Variants in NCOR2 observed in about 807,000 individuals in gnomAD.
The protein encoded by NCOR2 is CTG repeat protein 26.
A neutral mutation model predicts 262.9 loss-of-function variants in NCOR2; 81 were observed. The ratio of observed to expected loss-of-function variants is 0.31; its 90% CI spans 0.26 to 0.37. The LOEUF is 0.37. Ranked by LOEUF, NCOR2 falls within the 10% of genes least tolerant of loss-of-function variation. The pLI is 1.00. For synonymous variants in NCOR2, 1,659 were observed against 1,559.3 expected (o/e 1.06, Z -1.51); for missense variants, 3,385 against 3,621.4 (o/e 0.93, Z 1.68).
intron 1 of NCOR2, among the ~76,000 whole-genome samples, chr12:124,506,036 T>C (rs2049019014): frequency 6.6e-6 from 1 of 151,632 alleles, no homozygotes; most frequent in African/African-American, 2.4e-5. Flanking sequence ...AAAGCCTCTA[T>C]CATTCCCCAC....
At chr12:124,402,590 G>A (rs2042042502) in intron 13 of NCOR2, 29 bp from the exon 16 acceptor site, 1 of 1,548,252 alleles carries the variant, frequency 6.5e-7, no homozygotes, top group African/African-American at 1.4e-5. Flanking sequence ...GGGCAGAGGG[G>A]AGTGGGGAGG....
chr12:124,403,159 G>A (rs1223528986), intron 13 of NCOR2, among the ~76,000 whole-genome samples: 2 of 152,094 alleles, frequency 1.3e-5, no homozygotes, highest in Admixed American at 6.5e-5. Flanking sequence ...CTAAGCCTCG[G>A]TCTCCGAGTC....
At chr12:124,459,397 T>G (rs1023840190) in intron 5 of NCOR2, among the ~76,000 whole-genome samples, 1 of 152,078 alleles carries the variant, frequency 6.6e-6, no homozygotes, top group African/African-American at 2.4e-5. Flanking sequence ...CTCCCAGTGT[T>G]GGGTTTGTTC....
At chr12:124,516,682 G>A (rs377698421) in intron 1 of NCOR2, among the ~76,000 whole-genome samples, 2 of 151,930 alleles carry the variant, frequency 1.3e-5, no homozygotes, top group Non-Finnish European at 2.9e-5. Context: ...TGGGATTCCG[G>A]GACTTGCCCA....
intron 43 of NCOR2, 102 bp from the exon 46 acceptor site, chr12:124,331,000 G>A: frequency 1.6e-6 from 2 of 1,232,790 alleles, no homozygotes; most frequent in Non-Finnish European, 2.3e-6. Flanking sequence ...CATCACCTGG[G>A]GAAACTTGTG....
chr12:124,475,298 C>A (rs1487542294), intron 3 of NCOR2, among the ~76,000 whole-genome samples: 1 of 152,180 alleles, frequency 6.6e-6, no homozygotes. Context: ...ACACCTGGGG[C>A]CGCTCACAGC....
rs1003934032 is a variant in NCOR2, at chr12:124,372,695, G to A, written c.2219-85C>T. ...TGCATGGCCCTGACCCTCCGGATGA[G>A]GCCGCTCTGTCGCCTGATGCCAAAA... On this transcript the variant is annotated intron_variant, in intron 19 of 46. Coordinates refer to ENST00000405201, the Ensembl canonical transcript of NCOR2. 12 of 1,226,082 alleles carry A rather than the reference G, an allele frequency of 9.8e-6. 1 individual carries two copies. In the South Asian group the frequency reaches 1.6e-4, roughly 17 times the overall value. The allele number at this position is 1,226,082 out of a possible 1,614,324, so 76.0% of individuals were successfully genotyped here.
chr12:124,519,089 T>TACACACACACATACACACACAC (rs58285194), intron 1 of NCOR2, among the ~76,000 whole-genome samples: 6,457 of 97,102 alleles, frequency 0.066, 478 homozygotes, highest in East Asian at 0.13. Context: ...GGCCAAATAA[T>TACACACACACATACACACACAC]ACACACACAC....
chr12:124,423,521 G>A (rs780455512), intron 11 of NCOR2, among the ~76,000 whole-genome samples: 8 of 152,354 alleles, frequency 5.3e-5, no homozygotes, highest in Admixed American at 2.6e-4. Context: ...CGGTGGAAGC[G>A]GCGCAGTGAG....
intron 1 of NCOR2, among the ~76,000 whole-genome samples, chr12:124,528,320 G>A (rs550103614): frequency 1.3e-5 from 2 of 152,160 alleles, no homozygotes; most frequent in African/African-American, 4.8e-5. Flanking sequence ...TAGGCACCCC[G>A]CTGACTTCAT....
chr12:124,415,784 TA>T (rs2042826122), intron 13 of NCOR2, among the ~76,000 whole-genome samples: 1 of 152,078 alleles, frequency 6.6e-6, no homozygotes, highest in Non-Finnish European at 1.5e-5. Flanking sequence ...ATCTCCGGTG[TA>T]AAGAGGGGCA....
intron 11 of NCOR2, among the ~76,000 whole-genome samples, chr12:124,424,857 T>A (rs895272712): frequency 2.6e-5 from 4 of 152,096 alleles, no homozygotes; most frequent in Non-Finnish European, 4.4e-5. Context: ...CTTCCCTGCG[T>A]CCCCTCCTGG....
At chr12:124,360,725 A>G (rs2038504097) in intron 22 of NCOR2, among the ~76,000 whole-genome samples, 2 of 135,634 alleles carry the variant, frequency 1.5e-5, no homozygotes, top group South Asian at 5.1e-4. Context: ...TTTCCACACC[A>G]GGGCCTTTCC....
exon 40 of NCOR2, chr12:124,335,180 C>T (rs1479886806): frequency 6.2e-6 from 10 of 1,611,716 alleles, no homozygotes; most frequent in East Asian, 4.5e-5. Flanking sequence ...GACCTTTGAC[C>T]CCTGGGGCGG....
Position 124,562,868 on chromosome 12 carries a change from G to A in NCOR2, c.-165+4440C>T, listed in dbSNP as rs2052117043. 2.6e-5 allele frequency among the ~76,000 whole-genome samples: 4 copies of A among 152,230 alleles called. No individual in the cohort carries two copies. The South Asian group carries it at 8.3e-4, about 32-fold the overall frequency. On this transcript the variant is annotated intron_variant, in intron 1 of 32. Coordinates refer to the NCOR2 transcript ENST00000458234. ...ATAGTGAAGTCTTTGCTCTCCAACA[G>A]GATAAGCCAAAATGGAAACTGCAGC...
chr12:124,410,176 A>G (rs1338412732), intron 13 of NCOR2, among the ~76,000 whole-genome samples: 1 of 148,062 alleles, frequency 6.8e-6, no homozygotes, highest in Non-Finnish European at 1.5e-5. Flanking sequence ...CCAGCTTGAG[A>G]TGTCCCCCAG....
chr12:124,495,678 C>G (rs1222513085), upstream of NCOR2, among the ~76,000 whole-genome samples: 1 of 152,194 alleles, frequency 6.6e-6, no homozygotes, highest in Non-Finnish European at 1.5e-5. The surrounding 1 kb of genome is among the most constrained non-coding windows in gnomAD (Gnocchi z 4.4). Flanking sequence ...TGGCTCCCAG[C>G]CCCCCTAAGC....
At chr12:124,539,661 T>C (rs1478802872), upstream of NCOR2, 9 of 152,348 alleles carry the variant, frequency 5.9e-5, no homozygotes, top group Admixed American at 5.9e-4. The surrounding 1 kb of genome is among the most constrained non-coding windows in gnomAD (Gnocchi z 5.1). Context: ...AAGCCCACCA[T>C]GACCACGCAT....
At chr12:124,386,975 G>C (rs1434362554) in intron 16 of NCOR2, among the ~76,000 whole-genome samples, 1 of 152,254 alleles carries the variant, frequency 6.6e-6, no homozygotes, top group Non-Finnish European at 1.5e-5. Context: ...TGTGCGGCAA[G>C]AGGGTGCCCC....
Sources: gnomAD v4.1 joint callset for allele counts (sites outside exome capture counted in the v4.1 genomes callset) on GRCh38, gnomAD v4.1.1 for gene constraint, Gnocchi (gnomAD v3.1) non-coding constraint, MANE v1.5 for transcripts, NCBI Gene and HGNC (gene_info 2026-07-23, HGNC 2026-07-21) for gene names.